Variants in ST8SIA4 observed in about 807,000 individuals in gnomAD.
ST8SIA4 encodes the protein ST8 alpha-N-acetyl-neuraminide alpha-2,8-sialyltransferase 4, also known as CMP-N-acetylneuraminate-poly-alpha-2,8-sialyltransferase.
In ST8SIA4, 15 loss-of-function variants were observed where a neutral mutation model predicts 33.9. That is an observed-to-expected ratio of 0.44 (90% CI 0.30 to 0.68). ST8SIA4 has a LOEUF of 0.68. Among genes scored for constraint, ST8SIA4 ranks in the 30% least tolerant of loss-of-function variants. The pLI is 0.10. For synonymous variants in ST8SIA4, 171 were observed against 151.2 expected, an observed-to-expected ratio of 1.13 and a Z score of -0.96; for missense variants, 321 against 428.0, an observed-to-expected ratio of 0.75 and a Z score of 2.21.
chr5:100,863,698 T>G (rs951274596), intron 3 of ST8SIA4, among the ~76,000 whole-genome samples: 1 of 152,166 alleles, frequency 6.6e-6, no homozygotes, highest in African/African-American at 2.4e-5. Context: ...AAGAGGATAC[T>G]GAAAGCATTA....
intron 3 of ST8SIA4, among the ~76,000 whole-genome samples, chr5:100,863,673 C>T (rs552407891): frequency 6.6e-6 from 1 of 152,030 alleles, no homozygotes; most frequent in Admixed American, 6.6e-5. Context: ...GAACTCAAGT[C>T]TTGAAATAAA....
intron 4 of ST8SIA4, among the ~76,000 whole-genome samples, chr5:100,816,804 C>T (rs1176501581): frequency 6.6e-6 from 1 of 152,178 alleles, no homozygotes; most frequent in Admixed American, 6.5e-5. Flanking sequence ...TCTATTTCTC[C>T]TCTCATATTT....
At chr5:100,885,345 T>G (rs1017954917) in intron 3 of ST8SIA4, 3 of 961,764 alleles carry the variant, frequency 3.1e-6, no homozygotes, top group Non-Finnish European at 3.7e-6. Flanking sequence ...TTTGCTATTA[T>G]GAATTTTCTT....
At position 100,895,799 on chromosome 5, in the gene ST8SIA4, A is replaced by C; in HGVS notation, c.114-14T>G. The C allele has an allele frequency of 6.2e-7, 1 of 1,611,238 alleles. No individual in the cohort carries two copies. Among genetic ancestry groups the C allele is most frequent in the Non-Finnish European group, 8.5e-7 (1 of 1,178,380 alleles). On this transcript the variant is annotated splice_polypyrimidine_tract_variant and intron_variant, in intron 1 of 4. Coordinates refer to ENST00000231461, the MANE Select transcript of ST8SIA4 (RefSeq NM_005668.6). ...AATTCACCATCTCTGAAACAAAACA[A>C]AATTGCCAGCTTTGTGAAAGTAAGA...
intron 4 of ST8SIA4, among the ~76,000 whole-genome samples, chr5:100,828,900 C>T (rs1357847578): frequency 1.3e-5 from 2 of 151,998 alleles, no homozygotes; most frequent in Admixed American, 6.5e-5. Context: ...TTTTCATTAG[C>T]TTAATTATTG....
At chr5:100,867,734 T>A (rs1385295908) in intron 3 of ST8SIA4, among the ~76,000 whole-genome samples, 1 of 152,034 alleles carries the variant, frequency 6.6e-6, no homozygotes, top group Non-Finnish European at 1.5e-5. Flanking sequence ...TTTGAAAGTA[T>A]AACCCAAGGT....
At chr5:100,895,633 T>G (rs527306897) in intron 2 of ST8SIA4, 21 bp downstream of exon 2, 2 of 1,596,984 alleles carry the variant, frequency 1.3e-6, no homozygotes, top group African/African-American at 1.3e-5. Flanking sequence ...AAATTTATTA[T>G]GCCTTAGTAA....
chr5:100,864,091 A>T (rs1752007775), intron 3 of ST8SIA4, among the ~76,000 whole-genome samples: 1 of 152,238 alleles, frequency 6.6e-6, no homozygotes, highest in African/African-American at 2.4e-5. Flanking sequence ...AATAGAGCAT[A>T]TTGTAAAAGG....
intron 4 of ST8SIA4, among the ~76,000 whole-genome samples, chr5:100,821,714 C>T (rs768160722): frequency 7.2e-5 from 11 of 152,136 alleles, no homozygotes; most frequent in Non-Finnish European, 1.0e-4. Context: ...GTTCTCAAAT[C>T]CCAGCAAATG....
chr5:100,874,792 C>A (rs1229593908), intron 3 of ST8SIA4, among the ~76,000 whole-genome samples: 1 of 151,892 alleles, frequency 6.6e-6, no homozygotes, highest in Non-Finnish European at 1.5e-5. Context: ...TCATGTTGCC[C>A]AGGCTGGTCT....
At chr5:100,899,717 T>G (rs1279873647) in intron 1 of ST8SIA4, among the ~76,000 whole-genome samples, 2 of 152,242 alleles carry the variant, frequency 1.3e-5, no homozygotes, top group East Asian at 3.8e-4. Flanking sequence ...TAAATGAGGA[T>G]GCTTACATAT....
intron 4 of ST8SIA4, among the ~76,000 whole-genome samples, chr5:100,845,400 A>G (rs2112427799): frequency 6.6e-6 from 1 of 151,580 alleles, no homozygotes; most frequent in South Asian, 2.1e-4. Context: ...GTTAAAATAT[A>G]TTAATTATTT....
At chr5:100,827,922 GTGCAACATCAGTACTGTACAC>G (rs1399473692) in intron 4 of ST8SIA4, among the ~76,000 whole-genome samples, 1 of 152,174 alleles carries the variant, frequency 6.6e-6, no homozygotes, top group Non-Finnish European at 1.5e-5. Context: ...CTGATGCCAT[GTGCAACATCAGTACTGTACAC>G]TGTTGATAAA....
intron 3 of ST8SIA4, among the ~76,000 whole-genome samples, chr5:100,865,419 G>A (rs1433089132): frequency 6.6e-6 from 1 of 151,972 alleles, no homozygotes; most frequent in Admixed American, 6.6e-5. Context: ...TTTGTTACTA[G>A]ACATATTCTC....
At position 100,902,958 on chromosome 5, in the gene ST8SIA4, T is replaced by C; in HGVS notation, c.-3A>G. ...CACCTCTTCCTAATGGAGCGCATCT[T>C]GGGTGCCCGAGAAAGTCCTGGTTGC... On this transcript the variant is annotated 5_prime_UTR_variant, in exon 1 of 5. Coordinates refer to ENST00000231461, the MANE Select transcript of ST8SIA4 (RefSeq NM_005668.6). 1 of 1,613,346 alleles carries C rather than the reference T, an allele frequency of 6.2e-7. No homozygotes were observed. The highest frequency in any genetic ancestry group is 1.1e-5 in the South Asian group (1 of 91,058).
intron 3 of ST8SIA4, among the ~76,000 whole-genome samples, chr5:100,885,097 A>G (rs1311958142): frequency 6.7e-6 from 1 of 150,020 alleles, no homozygotes; most frequent in Non-Finnish European, 1.5e-5. Context: ...CTTCGCATAG[A>G]CTTCGACATT....
intron 3 of ST8SIA4, among the ~76,000 whole-genome samples, chr5:100,881,997 A>G (rs1229855457): frequency 6.6e-6 from 1 of 152,200 alleles, no homozygotes; most frequent in Non-Finnish European, 1.5e-5. Flanking sequence ...AAACTAATAC[A>G]GTAAATTAGT....
intron 3 of ST8SIA4, among the ~76,000 whole-genome samples, chr5:100,884,021 G>C (rs1476610064): frequency 6.6e-6 from 1 of 152,156 alleles, no homozygotes; most frequent in Non-Finnish European, 1.5e-5. Context: ...AAATCCATCT[G>C]ATAGTTAGCA....
intron 3 of ST8SIA4, among the ~76,000 whole-genome samples, chr5:100,879,240 G>C (rs1377303334): frequency 6.6e-6 from 1 of 152,042 alleles, no homozygotes; most frequent in Non-Finnish European, 1.5e-5. Context: ...AATATCAAGA[G>C]ACTCCTAAAC....
Sources: allele counts gnomAD v4.1 joint callset (sites outside exome capture counted in the v4.1 genomes callset), GRCh38; gene constraint gnomAD v4.1.1; transcripts MANE v1.5; gene names NCBI Gene and HGNC (gene_info 2026-07-23, HGNC 2026-07-21).